Variants in SHISA4 observed in about 807,000 individuals in gnomAD.
SHISA4 encodes protein shisa-4.
In SHISA4, 16 loss-of-function variants were observed where a neutral mutation model predicts 24.2. That is an observed-to-expected ratio of 0.66 (90% confidence interval 0.45 to 1.00). SHISA4 has a LOEUF of 1.00. Among genes scored for constraint, SHISA4 ranks in the 50% least tolerant of loss-of-function variants. SHISA4 has a pLI of 0.00. For synonymous variants in SHISA4, 106 were observed against 105.4 expected, an observed-to-expected ratio of 1.01 and a Z score of -0.04; for missense variants, 238 against 258.9, an observed-to-expected ratio of 0.92 and a Z score of 0.55.
intron 1 of SHISA4, 91 bp from the exon 2 acceptor site, chr1:201,889,354 C>T (rs1681047487): frequency 1.3e-6 from 2 of 1,549,868 alleles, no homozygotes; most frequent in Admixed American, 1.7e-5. Context: ...CGGGAGCCGT[C>T]AGGCTGGGGA....
Position 201,891,986 on chromosome 1 carries a change from C to A in SHISA4, c.*140C>A. On this transcript the variant is annotated 3_prime_UTR_variant, in exon 5 of 5. Transcript: ENST00000362011. ...AGACCAAGCCAAGCCCTGGGCCCTACTGGGGACAGAGCCCCAGGGAAGTGG... is the reference window on the plus strand; with the variant it reads ...AGACCAAGCCAAGCCCTGGGCCCTAATGGGGACAGAGCCCCAGGGAAGTGG... The A allele has an allele frequency of 1.1e-6, 1 of 947,988 alleles. No individual in the cohort carries two copies. The highest frequency in any genetic ancestry group is 1.7e-6 in the Non-Finnish European group (1 of 596,870). 58.7% of individuals were successfully genotyped at this position (947,988 alleles called of 1,614,324 possible).
chr1:201,891,567 A>C lies in SHISA4; in HGVS notation c.546A>C (p.Ala182=). The change falls in exon 4 of 5, where the codon GCA becomes GCC. Residue 182 remains alanine, a splice_region_variant and synonymous_variant. Coordinates refer to ENST00000362011, the MANE Select transcript of SHISA4 (RefSeq NM_198149.3). ...CTGGGCCCCCAGTCTACAACCCTGC[A>C]GGTAAGTAAGCAATCTGGAGCCCCT... ...YPAGPPVYNP[A]APPPYMPPQP... 1 of 1,607,620 alleles carries C rather than the reference A, an allele frequency of 6.2e-7. No individual in the cohort carries two copies. Among genetic ancestry groups the C allele is most frequent in the Non-Finnish European group, 8.5e-7 (1 of 1,176,422 alleles).
chr1:201,891,169 G>A (rs1256467603), intron 3 of SHISA4, among the ~76,000 whole-genome samples: 1 of 152,166 alleles, frequency 6.6e-6, no homozygotes, highest in South Asian at 2.1e-4. Context: ...GGTTCATGAG[G>A]TCTCTGAAAC....
At chr1:201,889,750 C>G (rs1055798904) in intron 2 of SHISA4, 134 bp downstream of exon 2, 11 of 1,083,586 alleles carry the variant, frequency 1.0e-5, no homozygotes, top group African/African-American at 9.5e-5. Context: ...CACCAGGACT[C>G]AAGCCTGGCG....
chr1:201,889,587 G>T lies in SHISA4; in HGVS notation c.216G>T (p.Glu72Asp). The T allele has an allele frequency of 1.9e-6, 3 of 1,613,800 alleles. No homozygotes were observed. Among genetic ancestry groups the T allele is most frequent in the Non-Finnish European group, 1.7e-6 (2 of 1,179,986 alleles). The change falls in exon 2 of 5, where the codon GAG (glutamate) becomes GAT (aspartate). Residue 72 changes from glutamate to aspartate, a missense_variant. By Grantham distance (45) the Glu-to-Asp change is conservative. Transcript: ENST00000362011. ...GGGACCTGACCTTGCTTATCACCGA[G>T]AGGCAGCAGAAGCACTGCCTGGCCT... ...CCRDLTLLIT[E>D]RQQKHCLAFS...
intron 3 of SHISA4, 102 bp from the exon 4 acceptor site, chr1:201,891,299 C>A: frequency 6.9e-7 from 1 of 1,443,520 alleles, no homozygotes; most frequent in Non-Finnish European, 9.7e-7. Context: ...TGGAGCTTGC[C>A]AGAGGCCAGC....
chr1:201,888,897 TG>T lies in SHISA4; in HGVS notation c.-96del. ...AGGAGGCGGAAGAGGAGCCCGAGCCTGGCCGCGGGCTGGGCCCCGCCGCAGC... is the reference window on the plus strand; with the variant it reads ...AGGAGGCGGAAGAGGAGCCCGAGCCTGCCGCGGGCTGGGCCCCGCCGCAGC... On this transcript the variant is annotated 5_prime_UTR_variant, in exon 1 of 5. Coordinates refer to ENST00000362011, the MANE Select transcript of SHISA4 (RefSeq NM_198149.3). 1 of 812,516 alleles carries T rather than the reference TG, an allele frequency of 1.2e-6. No homozygotes were observed. The highest frequency in any genetic ancestry group is 1.7e-6 in the Non-Finnish European group (1 of 592,452). 50.3% of individuals were successfully genotyped at this position (812,516 alleles called of 1,614,324 possible).
rs1268493469 is a variant in SHISA4, at chr1:201,892,411, A to G, written c.*565A>G. 6.3e-6 allele frequency: 1 copy of G among 157,940 alleles called. No individual in the cohort carries two copies. The highest frequency in any genetic ancestry group is 2.4e-5 in the African/African-American group (1 of 41,460). 9.8% of individuals were successfully genotyped at this position (157,940 alleles called of 1,614,324 possible). On this transcript the variant is annotated 3_prime_UTR_variant, in exon 5 of 5. Transcript: ENST00000362011. Reference sequence around the variant, plus strand: ...ATTCCAAAAGTAGGGGAGGGCCAGCACCAGCATCGGAGCACAGCACCATCC... The same window carrying G: ...ATTCCAAAAGTAGGGGAGGGCCAGCGCCAGCATCGGAGCACAGCACCATCC...
rs1170925642 is a variant in SHISA4 at position 201,891,470 on chromosome 1, G to A, written c.449G>A (p.Gly150Asp). The change falls in exon 4 of 5, where the codon GGC (glycine) becomes GAC (aspartate). Residue 150 changes from glycine (G) to aspartate (D), a missense_variant. Physicochemically the swap from Gly to Asp is moderately conservative, Grantham distance 94. Transcript: ENST00000362011. ...CCATACCCCCAGGACCCCAAAGCTG[G>A]CCCTGCACCCCCACAGCCTGGCTTC... is the stretch of plus-strand genomic sequence containing the variant. ...VYPYPQDPKA[G>D]PAPPQPGFIY... 7 of 1,613,734 alleles carry A rather than the reference G, an allele frequency of 4.3e-6. No individual in the cohort carries two copies. The highest frequency in any genetic ancestry group is 5.9e-6 in the Non-Finnish European group (7 of 1,179,862).
In SHISA4 at chr1:201,888,911, GC is replaced by G; in HGVS notation, c.-80del. The G allele has an allele frequency of 2.1e-6, 2 of 973,462 alleles. No homozygotes were observed. Among genetic ancestry groups the G allele is most frequent in the Non-Finnish European group, 2.7e-6 (2 of 733,118 alleles). The allele number at this position is 973,462 out of a possible 1,614,324, so 60.3% of individuals were successfully genotyped here. ...GAGCCCGAGCCTGGCCGCGGGCTGG[GC>G]CCCGCCGCAGCTCCAGCTGGCCGGC... is the stretch of plus-strand genomic sequence containing the variant. On this transcript the variant is annotated 5_prime_UTR_variant, in exon 1 of 5. Coordinates refer to ENST00000362011, the MANE Select transcript of SHISA4 (RefSeq NM_198149.3).
intron 2 of SHISA4, among the ~76,000 whole-genome samples, chr1:201,890,085 A>G (rs61824384): frequency 0.37 from 55,810 of 151,964 alleles, 10,737 homozygotes; most frequent in East Asian, 0.69. Context: ...TTTTTAATAT[A>G]TCATATATAA....
In SHISA4 at chr1:201,888,903, C is replaced by G; in HGVS notation, c.-92C>G. ...CGGAAGAGGAGCCCGAGCCTGGCCGCGGGCTGGGCCCCGCCGCAGCTCCAG... is the reference window on the plus strand; with the variant it reads ...CGGAAGAGGAGCCCGAGCCTGGCCGGGGGCTGGGCCCCGCCGCAGCTCCAG... On this transcript the variant is annotated 5_prime_UTR_variant, in exon 1 of 5. Transcript: ENST00000362011. 1 of 871,844 alleles carries G rather than the reference C, an allele frequency of 1.1e-6. No individual in the cohort carries two copies. The highest frequency in any genetic ancestry group is 4.0e-5 in the South Asian group (1 of 24,928). 54.0% of individuals were successfully genotyped at this position (871,844 alleles called of 1,614,324 possible).
Position 201,892,197 on chromosome 1 carries a change from GT to G in SHISA4, c.*352del, listed in dbSNP as rs1364443263. 25 of 249,320 alleles carry G rather than the reference GT, an allele frequency of 1.0e-4. No individual in the cohort carries two copies. Among genetic ancestry groups the G allele is most frequent in the Non-Finnish European group, 1.5e-4 (20 of 132,008 alleles). The allele number at this position is 249,320 out of a possible 1,614,324, so 15.4% of individuals were successfully genotyped here. A position where few individuals can be genotyped will look rare whatever the true frequency, so the allele number is the denominator to read the frequency against. ...TACTGTTTGTCCCCTCTGGGCTGGG[GT>G]GGGGGGAGGGAGGAGGTTCCGTCAG... On this transcript the variant is annotated 3_prime_UTR_variant, in exon 5 of 5. Transcript: ENST00000362011.
At chr1:201,888,781 G>C (rs1310530611), upstream of SHISA4, 2 of 376,090 alleles carry the variant, frequency 5.3e-6, no homozygotes, top group African/African-American at 4.2e-5. Flanking sequence ...CCAGAGGCTA[G>C]GTGGGCGTCG....
Position 201,891,933 on chromosome 1 carries a change from G to A in SHISA4, c.*87G>A. ...TGTACCTGCATCTGGTCCTGGGGGT[G>A]GCAGGAGTCCTCCAGCCACCAGGCC... On this transcript the variant is annotated 3_prime_UTR_variant, in exon 5 of 5. Transcript: ENST00000362011. 6 of 1,523,776 alleles carry A rather than the reference G, an allele frequency of 3.9e-6. No individual in the cohort carries two copies. The highest frequency in any genetic ancestry group is 3.4e-4 in the Middle Eastern group (2 of 5,888). The allele number at this position is 1,523,776 out of a possible 1,614,324, so 94.4% of individuals were successfully genotyped here.
In SHISA4 at chr1:201,892,539, G is replaced by A. The variant is rs764361666; in HGVS notation, c.*693G>A. On this transcript the variant is annotated 3_prime_UTR_variant, in exon 5 of 5. Coordinates refer to ENST00000362011, the MANE Select transcript of SHISA4 (RefSeq NM_198149.3). ...TTGCCACAGCTCTGAAGAGATGCTC[G>A]TTTGCACTACAGATATTCCCTGCTA... Among the ~76,000 whole-genome samples the A allele has an allele frequency of 2.2e-4, 34 of 152,098 alleles. No individual in the cohort carries two copies. The highest frequency in any genetic ancestry group is 4.0e-4 in the Non-Finnish European group (27 of 68,010).
In SHISA4 at chr1:201,890,481, A is replaced by C; in HGVS notation, c.273A>C (p.Ser91=). The change falls in exon 3 of 5, where the codon TCA becomes TCC. Residue 91 remains serine, a synonymous_variant. Transcript: ENST00000362011. ...CCAAGACCATAGCAGGCATCGCCTC[A>C]GCTGTGATCCTCTTTGTTGCTGTGG... ...FSPKTIAGIA[S]AVILFVAVVA... 6.2e-7 allele frequency: 1 copy of C among 1,614,256 alleles called. No individual in the cohort carries two copies. The highest frequency in any genetic ancestry group is 1.1e-5 in the South Asian group (1 of 91,090).
At chr1:201,891,112 C>T (rs1019981542) in intron 3 of SHISA4, among the ~76,000 whole-genome samples, 6 of 152,168 alleles carry the variant, frequency 3.9e-5, no homozygotes, top group African/African-American at 1.4e-4. Flanking sequence ...CAGCCCTGAG[C>T]TGTCCCCTTC....
Position 201,889,465 on chromosome 1 carries a change from C to T in SHISA4, c.94C>T (p.Leu32=). 1 of 1,613,628 alleles carries T rather than the reference C, an allele frequency of 6.2e-7. No homozygotes were observed. Among genetic ancestry groups the T allele is most frequent in the Non-Finnish European group, 8.5e-7 (1 of 1,180,012 alleles). ...APLVLAGEDC[L]WYLDRNGSWH... is the part of the protein sequence containing the mutation. The stretch of plus-strand genomic sequence containing the variant: ...CGCAGTGCTGGCCGGCGAGGACTGC[C>T]TGTGGTACCTGGACCGGAATGGCTC... Residue 32 remains leucine, a synonymous_variant, in exon 2 of 5, where the codon CTG becomes TTG. Transcript: ENST00000362011.
Sources: allele counts gnomAD v4.1 joint callset (sites outside exome capture counted in the v4.1 genomes callset), GRCh38; gene constraint gnomAD v4.1.1; transcripts MANE v1.5; gene names NCBI Gene and HGNC (gene_info 2026-07-23, HGNC 2026-07-21).